The following WDPCP variants were observed in gnomAD, a reference collection of about 807,000 sequenced individuals.
WDPCP encodes WD repeat-containing and planar cell polarity effector protein fritz homolog.
WDPCP carries 71 observed loss-of-function variants against 93.1 expected under a neutral mutation model. That is an observed-to-expected ratio of 0.76 (90% CI 0.63 to 0.93). The LOEUF (loss-of-function observed/expected upper bound fraction) is 0.93, where lower values mean the gene tolerates loss of function less well. WDPCP is among the 40% of genes least tolerant of loss of function. The pLI, the probability that WDPCP is intolerant of heterozygous loss-of-function variation, is 0.00. For synonymous variants in WDPCP, 315 were observed against 315.0 expected (o/e 1.00, Z 0.00); for missense variants, 844 against 887.4 (o/e 0.95, Z 0.62).
At chr2:63,239,452 G>C (rs1033737536) in intron 14 of WDPCP, among the ~76,000 whole-genome samples, 3 of 152,142 alleles carry the variant, frequency 2.0e-5, no homozygotes, top group African/African-American at 7.2e-5. Context: ...AACAGGTGAA[G>C]ACATTTAATT....
intron 14 of WDPCP, among the ~76,000 whole-genome samples, chr2:63,221,907 G>C: frequency 6.6e-6 from 1 of 152,158 alleles, no homozygotes; most frequent in Non-Finnish European, 1.5e-5. Context: ...AAAAATGGGT[G>C]ATGAAATAAC....
chr2:63,285,982 C>A (rs544279081), intron 13 of WDPCP, among the ~76,000 whole-genome samples: 1 of 133,414 alleles, frequency 7.5e-6, no homozygotes, highest in Non-Finnish European at 1.6e-5. Context: ...AACACAAGGT[C>A]ATGAAACAAG....
chr2:63,589,232 C>T (rs986897239), upstream of WDPCP: 207 of 1,559,398 alleles, frequency 1.3e-4, 1 homozygote, highest in Non-Finnish European at 1.1e-4. Context: ...TTGATTTCCA[C>T]CTTGCGGGGT....
intron 9 of WDPCP, among the ~76,000 whole-genome samples, chr2:63,428,412 G>A (rs1485517962): frequency 2.0e-5 from 3 of 152,144 alleles, no homozygotes; most frequent in African/African-American, 7.2e-5. Flanking sequence ...TTATCCCTGG[G>A]ATGCAAGGTT....
chr2:63,839,207 T>A, the WDPCP span, among the ~76,000 whole-genome samples: 1 of 152,228 alleles, frequency 6.6e-6, no homozygotes, highest in Non-Finnish European at 1.5e-5. Flanking sequence ...TCCTTTTTAA[T>A]CTTCCATGAA....
At chr2:63,394,014 A>C (rs1357984871) in intron 10 of WDPCP, among the ~76,000 whole-genome samples, 1 of 152,224 alleles carries the variant, frequency 6.6e-6, no homozygotes, top group East Asian at 1.9e-4. Flanking sequence ...GGCCCTGGCA[A>C]AGATTTCATG....
chr2:63,574,613 G>A (rs1415589835), intron 1 of WDPCP, among the ~76,000 whole-genome samples: 2 of 151,848 alleles, frequency 1.3e-5, no homozygotes, highest in Non-Finnish European at 2.9e-5. Context: ...TAAAAACATG[G>A]GTAGACATGA....
At chr2:63,153,121 CAT>C in intron 16 of WDPCP, 176 bp from the exon 17 acceptor site, 1 of 618,596 alleles carries the variant, frequency 1.6e-6, no homozygotes, top group Non-Finnish European at 2.9e-6. Context: ...CAATCATTTT[CAT>C]ATATATGTGT....
At chr2:63,496,343 T>C (rs577520033) in intron 1 of WDPCP, among the ~76,000 whole-genome samples, 55 of 152,330 alleles carry the variant, frequency 3.6e-4, no homozygotes, top group African/African-American at 1.2e-3. Context: ...GAGTGTAGTG[T>C]AGTTTCCACT....
chr2:63,405,405 G>A (rs1177654340), intron 9 of WDPCP, among the ~76,000 whole-genome samples: 2 of 152,138 alleles, frequency 1.3e-5, no homozygotes, highest in African/African-American at 4.8e-5. Flanking sequence ...CTTATAGGTG[G>A]ATGTTTTTCA....
chr2:63,749,995 A>G (rs560249172), intron 2 of WDPCP, among the ~76,000 whole-genome samples: 1 of 152,232 alleles, frequency 6.6e-6, no homozygotes, highest in South Asian at 2.1e-4. Context: ...TACTAGTTTG[A>G]AATAGTTTTT....
chr2:63,820,393 T>C (rs1326020493), intron 1 of WDPCP, among the ~76,000 whole-genome samples: 1 of 152,172 alleles, frequency 6.6e-6, no homozygotes, highest in African/African-American at 2.4e-5. Context: ...GGAGCTTCTT[T>C]TGGGAAATAG....
chr2:63,166,223 C>A (rs183749853), intron 15 of WDPCP, among the ~76,000 whole-genome samples: 2 of 151,924 alleles, frequency 1.3e-5, no homozygotes, highest in Admixed American at 1.3e-4. Flanking sequence ...CATGCCACCA[C>A]ACCTGGCTAA....
intron 2 of WDPCP, among the ~76,000 whole-genome samples, chr2:63,810,530 G>C (rs1449819959): frequency 6.6e-6 from 1 of 152,134 alleles, no homozygotes; most frequent in Non-Finnish European, 1.5e-5. Flanking sequence ...AGGCATTGGA[G>C]GGAAAAAGAA....
At chr2:63,509,940 T>C (rs114938028) in intron 1 of WDPCP, among the ~76,000 whole-genome samples, 1,654 of 152,212 alleles carry the variant, frequency 0.011, 18 homozygotes, top group Middle Eastern at 0.037. Flanking sequence ...CAGTAATATA[T>C]AGTCTACCAA....
intron 14 of WDPCP, among the ~76,000 whole-genome samples, chr2:63,251,781 G>A (rs753271862): frequency 1.3e-4 from 20 of 151,728 alleles, no homozygotes; most frequent in East Asian, 5.8e-4. Context: ...GTGAGCCACC[G>A]TGCCTAGCCA....
intron 12 of WDPCP, among the ~76,000 whole-genome samples, chr2:63,338,622 A>C (rs1688626649): frequency 7.4e-6 from 1 of 136,004 alleles, no homozygotes; most frequent in Non-Finnish European, 1.6e-5. Context: ...ATATATGGAT[A>C]ATTAGAAAAG....
intron 1 of WDPCP, among the ~76,000 whole-genome samples, chr2:63,493,633 CTT>C (rs1457452979): frequency 6.9e-6 from 1 of 144,288 alleles, no homozygotes. Flanking sequence ...ACTATGAATA[CTT>C]TTTTTTTTTA....
At chr2:63,321,223 A>G (rs983950740) in intron 12 of WDPCP, among the ~76,000 whole-genome samples, 1 of 152,122 alleles carries the variant, frequency 6.6e-6, no homozygotes, top group African/African-American at 2.4e-5. Context: ...AAACAAATGG[A>G]AAGTTAAACA....
Sources: allele counts gnomAD v4.1 joint callset (sites outside exome capture counted in the v4.1 genomes callset), GRCh38; gene constraint gnomAD v4.1.1; transcripts MANE v1.5; gene names NCBI Gene and HGNC (gene_info 2026-07-23, HGNC 2026-07-21).